AUTS2: variants seen among roughly 807,000 people sequenced by gnomAD.
AUTS2 encodes the protein activator of transcription and developmental regulator AUTS2.
In AUTS2, 17 loss-of-function variants were observed where a neutral mutation model predicts 112.4. The observed-to-expected ratio is 0.15, with a 90% CI of 0.10 to 0.23. The LOEUF (loss-of-function observed/expected upper bound fraction) is 0.23, where lower values mean the gene tolerates loss of function less well. Among genes scored for constraint, AUTS2 ranks in the 10% least tolerant of loss-of-function variants. The probability of loss-of-function intolerance (pLI) is 1.00; values close to 1 mark genes in which losing one functional copy is unlikely to be tolerated. For synonymous variants in AUTS2, 751 were observed against 702.7 expected, an observed-to-expected ratio of 1.07 and a Z score of -1.09; for missense variants, 1,510 against 1,701.6, an observed-to-expected ratio of 0.89 and a Z score of 1.98.
chr7:70,303,422 ACGCGCGCGCG>A (rs776005782), intron 4 of AUTS2, among the ~76,000 whole-genome samples: 4 of 125,664 alleles, frequency 3.2e-5, no homozygotes, highest in African/African-American at 9.6e-5. Context: ...GCACACACAC[ACGCGCGCGCG>A]CGCACATACA....
chr7:70,310,955 C>T (rs1351031271), intron 4 of AUTS2, among the ~76,000 whole-genome samples: 1 of 152,094 alleles, frequency 6.6e-6, no homozygotes, highest in African/African-American at 2.4e-5. Flanking sequence ...GTTTGGCTCT[C>T]TTGGCTTTTG....
At chr7:70,658,719 C>T (rs572838573) in intron 5 of AUTS2, among the ~76,000 whole-genome samples, 1 of 152,264 alleles carries the variant, frequency 6.6e-6, no homozygotes, top group South Asian at 2.1e-4. Flanking sequence ...ACGGATAAAC[C>T]ACATGCAGAT....
intron 4 of AUTS2, among the ~76,000 whole-genome samples, chr7:70,208,361 G>A (rs1810686194): frequency 6.6e-6 from 1 of 152,126 alleles, no homozygotes; most frequent in East Asian, 1.9e-4. Context: ...TTAAATAACT[G>A]GAAATAAACT....
chr7:70,595,561 C>T (rs1803154829), intron 5 of AUTS2, among the ~76,000 whole-genome samples: 1 of 151,918 alleles, frequency 6.6e-6, no homozygotes, highest in Non-Finnish European at 1.5e-5. Flanking sequence ...GAAGGCAGCC[C>T]CAAGGGCAGG....
At chr7:70,633,096 T>A (rs1399524751) in intron 5 of AUTS2, among the ~76,000 whole-genome samples, 1 of 152,210 alleles carries the variant, frequency 6.6e-6, no homozygotes, top group Non-Finnish European at 1.5e-5. Flanking sequence ...AGACAGTGAC[T>A]GTCCGGGGGC....
chr7:70,126,403 T>C (rs1279740052), intron 3 of AUTS2, among the ~76,000 whole-genome samples: 2 of 152,076 alleles, frequency 1.3e-5, no homozygotes, highest in African/African-American at 2.4e-5. Flanking sequence ...AGTGAGACTC[T>C]GTCTTAAAAA....
chr7:69,958,610 A>G (rs1199274533), intron 2 of AUTS2, among the ~76,000 whole-genome samples: 5 of 152,094 alleles, frequency 3.3e-5, no homozygotes, highest in Non-Finnish European at 1.5e-5. Context: ...AGAGACTGAC[A>G]CTGTGTGGCC....
At position 70,529,446 on chromosome 7, in the gene AUTS2, G is replaced by A. The variant is rs180945218; in HGVS notation, c.690+93665G>A. Among the ~76,000 whole-genome samples the A allele has an allele frequency of 5.0e-3, 760 of 152,266 alleles. 2 individuals are homozygous for A. The highest frequency in any genetic ancestry group is 9.2e-3 in the Non-Finnish European group (623 of 68,026). On this transcript the variant is annotated intron_variant, in intron 5 of 18. Coordinates refer to ENST00000342771, the MANE Select transcript of AUTS2 (RefSeq NM_015570.4). ...CTGCTAAAACTGTACAGCTTCCAAG[G>A]GCTAAACCTGGAACTTGAGCCCAGG...
intron 3 of AUTS2, among the ~76,000 whole-genome samples, chr7:70,128,685 T>G (rs1223506196): frequency 2.0e-5 from 3 of 152,202 alleles, no homozygotes; most frequent in Admixed American, 2.0e-4. Context: ...CTAAGGAGGC[T>G]GGGTGTTGTA....
At chr7:70,362,894 T>TA (rs1171745962) in intron 4 of AUTS2, among the ~76,000 whole-genome samples, 1 of 152,218 alleles carries the variant, frequency 6.6e-6, no homozygotes, top group Non-Finnish European at 1.5e-5. Context: ...GTGTCCACAG[T>TA]AAGCGGGAGA....
chr7:70,601,677 G>A (rs1803478013), intron 5 of AUTS2, among the ~76,000 whole-genome samples: 1 of 152,098 alleles, frequency 6.6e-6, no homozygotes, highest in East Asian at 1.9e-4. Flanking sequence ...AGAGGAAGAG[G>A]AACAAGTAGA....
chr7:69,783,851 A>C (rs556839961), intron 1 of AUTS2, among the ~76,000 whole-genome samples: 1 of 152,320 alleles, frequency 6.6e-6, no homozygotes, highest in South Asian at 2.1e-4. Flanking sequence ...CAGGGAATAC[A>C]TGTGCAGACT....
chr7:69,920,660 A>T (rs551200080), intron 2 of AUTS2, among the ~76,000 whole-genome samples: 1 of 152,144 alleles, frequency 6.6e-6, no homozygotes, highest in Non-Finnish European at 1.5e-5. Flanking sequence ...ATCCTTCCCT[A>T]TACCCTATTT....
At chr7:70,209,804 C>A (rs193009270) in intron 4 of AUTS2, among the ~76,000 whole-genome samples, 2 of 152,060 alleles carry the variant, frequency 1.3e-5, no homozygotes, top group African/African-American at 4.8e-5. Flanking sequence ...AACCTAGCAC[C>A]CAAGGTGTTT....
chr7:70,654,682 G>A (rs970252277), intron 5 of AUTS2, among the ~76,000 whole-genome samples: 4 of 152,180 alleles, frequency 2.6e-5, no homozygotes, highest in Non-Finnish European at 5.9e-5. Context: ...TGTTGATGTT[G>A]TAAATACCAC....
Position 69,734,272 on chromosome 7 carries a change from G to A in AUTS2, c.309+134310G>A, listed in dbSNP as rs922985377. On this transcript the variant is annotated intron_variant, in intron 1 of 18. Transcript: ENST00000342771. ...AGCTTAAAACGAAGAGCTCTTCCACGTGTGGAGATTGAAGGGCTGCCATTT... is the reference window on the plus strand; with the variant it reads ...AGCTTAAAACGAAGAGCTCTTCCACATGTGGAGATTGAAGGGCTGCCATTT... Among the ~76,000 whole-genome samples, 6 of 151,462 alleles carry A rather than the reference G, an allele frequency of 4.0e-5. No individual in the cohort carries two copies. In the South Asian group the frequency reaches 6.3e-4, roughly 16 times the overall value.
chr7:69,646,854 A>G (rs543141387), intron 1 of AUTS2, among the ~76,000 whole-genome samples: 10 of 152,302 alleles, frequency 6.6e-5, no homozygotes, highest in Middle Eastern at 3.4e-3. Flanking sequence ...TGGGAGGGCG[A>G]GGCAGGCGGA....
In AUTS2 at chr7:70,095,076, G is replaced by A. The variant is rs554414266; in HGVS notation, c.523-23056G>A. Among the ~76,000 whole-genome samples, 8 of 152,302 alleles carry A rather than the reference G, an allele frequency of 5.3e-5. No individual in the cohort carries two copies. The South Asian group carries it at 1.5e-3, about 28-fold the overall frequency. The stretch of plus-strand genomic sequence containing the variant: ...AGAAAGGAAAAGATTAACCTGAAAC[G>A]TGAACTGAAAAACTCCTGAATTCTA... On this transcript the variant is annotated intron_variant, in intron 2 of 18. Coordinates refer to ENST00000342771, the MANE Select transcript of AUTS2 (RefSeq NM_015570.4).
chr7:69,818,141 T>C (rs1386367068), intron 1 of AUTS2, among the ~76,000 whole-genome samples: 2 of 152,236 alleles, frequency 1.3e-5, no homozygotes, highest in African/African-American at 2.4e-5. Context: ...CTTTTCTCCA[T>C]TGATGACAGC....
Sources: allele counts gnomAD v4.1 joint callset (sites outside exome capture counted in the v4.1 genomes callset), GRCh38; gene constraint gnomAD v4.1.1; transcripts MANE v1.5; gene names NCBI Gene and HGNC (gene_info 2026-07-23, HGNC 2026-07-21).